TTC28: variants seen among roughly 807,000 people sequenced by gnomAD.
TTC28 encodes the protein tetratricopeptide repeat protein 28.
A neutral mutation model predicts 198.0 loss-of-function variants in TTC28; 61 were observed. The ratio of observed to expected loss-of-function variants is 0.31; its 90% confidence interval spans 0.25 to 0.38. The LOEUF is 0.38. Ranked by LOEUF, TTC28 falls within the 10% of genes least tolerant of loss-of-function variation. The pLI, the probability that TTC28 is intolerant of heterozygous loss-of-function variation, is 1.00. For synonymous variants in TTC28, 1,171 were observed against 1,297.8 expected, an observed-to-expected ratio of 0.90 and a Z score of 2.10; for missense variants, 2,678 against 3,164.0, an observed-to-expected ratio of 0.85 and a Z score of 3.69.
At chr22:28,669,378 A>T (rs1391328678) in intron 1 of TTC28, among the ~76,000 whole-genome samples, 1 of 152,164 alleles carries the variant, frequency 6.6e-6, no homozygotes, top group Non-Finnish European at 1.5e-5. Context: ...TCCCAAAATT[A>T]TATTGGTAAC....
chr22:28,351,535 GA>G (rs1366905232), intron 2 of TTC28, among the ~76,000 whole-genome samples: 3 of 152,146 alleles, frequency 2.0e-5, no homozygotes, highest in Non-Finnish European at 2.9e-5. Flanking sequence ...TAGTTTTGTA[GA>G]ATTCATCACG....
At chr22:28,533,502 C>A (rs946524335) in intron 2 of TTC28, among the ~76,000 whole-genome samples, 1 of 152,172 alleles carries the variant, frequency 6.6e-6, no homozygotes, top group African/African-American at 2.4e-5. Flanking sequence ...TTTATAGATT[C>A]AATGCCATCC....
At chr22:28,619,730 A>C (rs2050961483) in intron 2 of TTC28, among the ~76,000 whole-genome samples, 1 of 152,224 alleles carries the variant, frequency 6.6e-6, no homozygotes, top group Non-Finnish European at 1.5e-5. Flanking sequence ...AGTTTGAGGC[A>C]CTACGAAGAA....
chr22:28,632,253 C>CT (rs765447917), intron 1 of TTC28, among the ~76,000 whole-genome samples: 1,322 of 49,690 alleles, frequency 0.027, 345 homozygotes, highest in African/African-American at 0.058. Context: ...TTATATTCAA[C>CT]TTTTTTTTTT....
At chr22:28,274,731 A>G (rs1424957877) in intron 5 of TTC28, among the ~76,000 whole-genome samples, 5 of 152,200 alleles carry the variant, frequency 3.3e-5, no homozygotes, top group Non-Finnish European at 7.3e-5. Context: ...CTGTAATCCC[A>G]GCACTTTGGG....
intron 2 of TTC28, among the ~76,000 whole-genome samples, chr22:28,609,431 G>A (rs1375462820): frequency 6.6e-6 from 1 of 152,162 alleles, no homozygotes; most frequent in South Asian, 2.1e-4. Flanking sequence ...CCCACAGAGG[G>A]CAAGCTGAAG....
chr22:28,314,003 C>A (rs2045311487), intron 2 of TTC28, among the ~76,000 whole-genome samples: 1 of 152,190 alleles, frequency 6.6e-6, no homozygotes, highest in African/African-American at 2.4e-5. Flanking sequence ...TGATAAGCAA[C>A]TTCAGCAAAG....
intron 12 of TTC28, among the ~76,000 whole-genome samples, chr22:28,048,740 C>T (rs1261279049): frequency 1.3e-5 from 2 of 152,078 alleles, no homozygotes; most frequent in African/African-American, 4.8e-5. Flanking sequence ...CTGCCTGAGA[C>T]AAGCCTGCTC....
chr22:28,597,732 T>C (rs1357471625), intron 2 of TTC28, among the ~76,000 whole-genome samples: 1 of 152,216 alleles, frequency 6.6e-6, no homozygotes, highest in Non-Finnish European at 1.5e-5. Flanking sequence ...GAATGAATAC[T>C]ATTTTTAAAA....
intron 2 of TTC28, among the ~76,000 whole-genome samples, chr22:28,387,121 G>A (rs934270854): frequency 1.1e-4 from 16 of 151,932 alleles, no homozygotes; most frequent in South Asian, 2.1e-4. Flanking sequence ...GCGATAGTTT[G>A]CTGAGAATGA....
chr22:28,509,871 A>G (rs1478017228), intron 2 of TTC28, among the ~76,000 whole-genome samples: 3 of 152,240 alleles, frequency 2.0e-5, no homozygotes, highest in Non-Finnish European at 4.4e-5. Context: ...AGAAATACAA[A>G]CAACCATCAG....
chr22:28,179,132 C>T (rs892672040), intron 5 of TTC28, among the ~76,000 whole-genome samples: 44 of 151,488 alleles, frequency 2.9e-4, no homozygotes, highest in African/African-American at 1.1e-3. Flanking sequence ...ATTTTAAGCA[C>T]TAATGGTACT....
At chr22:28,578,241 G>A (rs1310439583) in intron 2 of TTC28, among the ~76,000 whole-genome samples, 1 of 151,996 alleles carries the variant, frequency 6.6e-6, no homozygotes, top group Non-Finnish European at 1.5e-5. Context: ...TAAGCAAAGA[G>A]AAAACTATTG....
At chr22:28,178,490 G>C (rs1266196804) in intron 5 of TTC28, among the ~76,000 whole-genome samples, 10 of 151,912 alleles carry the variant, frequency 6.6e-5, no homozygotes, top group African/African-American at 2.4e-4. Flanking sequence ...GGGGAGGGGA[G>C]GGGGAGGTAA....
rs576694306 is a variant in TTC28 at position 28,463,749 on chromosome 22, C to T, written c.382-157106G>A. 8.6e-5 allele frequency among the ~76,000 whole-genome samples: 13 copies of T among 151,796 alleles called. No homozygotes were observed. The South Asian group carries it at 2.3e-3, about 27-fold the overall frequency. On this transcript the variant is annotated intron_variant, in intron 2 of 22. Transcript: ENST00000397906. ...GACACAGGAAGGGGAACATCACACA[C>T]CGGGGCCTGTTGTGGGGTAGGGGGA...
At chr22:28,259,730 C>T (rs1234070669) in intron 5 of TTC28, among the ~76,000 whole-genome samples, 3 of 151,964 alleles carry the variant, frequency 2.0e-5, no homozygotes, top group African/African-American at 7.3e-5. Flanking sequence ...TTAGAATCCA[C>T]TAAGAACAGC....
chr22:28,346,369 G>A (rs2045902377), intron 2 of TTC28, among the ~76,000 whole-genome samples: 1 of 152,096 alleles, frequency 6.6e-6, no homozygotes, highest in African/African-American at 2.4e-5. Context: ...TGAATATCTG[G>A]GGACAAAGAC....
chr22:28,041,932 C>T (rs1042038217), intron 12 of TTC28, among the ~76,000 whole-genome samples: 1 of 151,550 alleles, frequency 6.6e-6, no homozygotes, highest in Non-Finnish European at 1.5e-5. Context: ...TATGAACAGA[C>T]ACTTCTTAAA....
intron 2 of TTC28, among the ~76,000 whole-genome samples, chr22:28,494,825 C>T (rs1291688909): frequency 2.0e-5 from 3 of 151,408 alleles, no homozygotes; most frequent in African/African-American, 4.9e-5. Context: ...GGAAAGAAAA[C>T]AGGAACAAAC....
Sources: gnomAD v4.1 joint callset for allele counts (sites outside exome capture counted in the v4.1 genomes callset) on GRCh38, gnomAD v4.1.1 for gene constraint, MANE v1.5 for transcripts, NCBI Gene and HGNC (gene_info 2026-07-23, HGNC 2026-07-21) for gene names.